TFEC: variants seen among roughly 807,000 people sequenced by gnomAD.
The protein encoded by TFEC is class E basic helix-loop-helix protein 34.
In TFEC, 31 loss-of-function variants were observed where a neutral mutation model predicts 41.6. The observed-to-expected ratio is 0.74, with a 90% CI of 0.56 to 1.01. TFEC has a LOEUF of 1.01. TFEC is among the 50% of genes least tolerant of loss of function. The pLI is 0.00. For missense variants in TFEC, 402 were observed against 404.1 expected (o/e 0.99, Z 0.04); for synonymous variants, 143 against 140.6 (o/e 1.02, Z -0.12).
chr7:116,114,324 G>A (rs2116133076), intron 1 of TFEC, among the ~76,000 whole-genome samples: 1 of 152,006 alleles, frequency 6.6e-6, no homozygotes, highest in East Asian at 1.9e-4. Flanking sequence ...ATAGATTTGG[G>A]GATTTCAGTT....
intron 2 of TFEC, among the ~76,000 whole-genome samples, chr7:115,982,458 G>A (rs1004843778): frequency 6.6e-6 from 1 of 152,146 alleles, no homozygotes; most frequent in Non-Finnish European, 1.5e-5. Context: ...CGACAACACA[G>A]GGTATATCCT....
intron 3 of TFEC, among the ~76,000 whole-genome samples, chr7:116,062,891 C>A (rs888171322): frequency 2.6e-5 from 4 of 152,022 alleles, no homozygotes; most frequent in Non-Finnish European, 4.4e-5. Flanking sequence ...TTGGCTAACT[C>A]ATAAAAAGTT....
At chr7:116,021,258 C>A (rs1168835914) in intron 1 of TFEC, among the ~76,000 whole-genome samples, 1 of 152,268 alleles carries the variant, frequency 6.6e-6, no homozygotes, top group East Asian at 1.9e-4. Context: ...AAAGCACTAC[C>A]ATTAAAGGCA....
At chr7:116,117,615 T>C (rs1297972098) in intron 1 of TFEC, 1 of 151,796 alleles carries the variant, frequency 6.6e-6, no homozygotes, top group Non-Finnish European at 1.5e-5. Context: ...TATTGACTGA[T>C]AAACTGCTTC....
At chr7:116,078,716 C>T (rs1477089387) in intron 3 of TFEC, among the ~76,000 whole-genome samples, 1 of 151,886 alleles carries the variant, frequency 6.6e-6, no homozygotes, top group Non-Finnish European at 1.5e-5. Flanking sequence ...ACAAATAGTC[C>T]AGGACCAGAC....
intron 2 of TFEC, 27 bp downstream of exon 2, chr7:115,984,235 A>G: frequency 6.3e-7 from 1 of 1,599,344 alleles, no homozygotes; most frequent in Non-Finnish European, 8.6e-7. Context: ...CTGATGATAT[A>G]TTTTTATAAC....
intron 3 of TFEC, among the ~76,000 whole-genome samples, chr7:116,066,482 G>A (rs1480964289): frequency 6.6e-6 from 1 of 151,704 alleles, no homozygotes; most frequent in Non-Finnish European, 1.5e-5. Flanking sequence ...ACTATCAGGG[G>A]TTATATATAT....
rs1166553620 is a variant in TFEC, at chr7:116,123,619, T to C, written c.-68-11581A>G. On this transcript the variant is annotated intron_variant, in intron 1 of 8. Transcript: ENST00000484212. Reference sequence around the variant, plus strand: ...CCACACTCCACTTTTGCAAACATAATGACTGCCCACTGGGTACTTTTCTTT... The same window carrying C: ...CCACACTCCACTTTTGCAAACATAACGACTGCCCACTGGGTACTTTTCTTT... 2.0e-5 allele frequency among the ~76,000 whole-genome samples: 3 copies of C among 152,232 alleles called. No individual in the cohort carries two copies. The East Asian group carries it at 5.8e-4, about 29-fold the overall frequency.
At chr7:115,960,804 A>T (rs920073941) in intron 3 of TFEC, among the ~76,000 whole-genome samples, 2 of 151,688 alleles carry the variant, frequency 1.3e-5, no homozygotes, top group African/African-American at 4.8e-5. Flanking sequence ...AAGGACACAT[A>T]AAGATTAAAA....
chr7:116,097,220 G>A (rs544062117), intron 3 of TFEC, among the ~76,000 whole-genome samples: 31 of 152,258 alleles, frequency 2.0e-4, no homozygotes, highest in African/African-American at 6.0e-4. Context: ...TATGTAGACC[G>A]TGACAGTAGA....
At chr7:116,140,860 A>G (rs1351519434) in intron 1 of TFEC, among the ~76,000 whole-genome samples, 6 of 152,344 alleles carry the variant, frequency 3.9e-5, no homozygotes, top group Admixed American at 2.0e-4. Context: ...ATGAAATTCT[A>G]TCTACTAGAG....
chr7:116,135,816 T>C (rs763823023), intron 1 of TFEC, among the ~76,000 whole-genome samples: 4 of 152,114 alleles, frequency 2.6e-5, no homozygotes, highest in African/African-American at 7.2e-5. Context: ...CTTATAGATA[T>C]AGTATGAGGA....
upstream of TFEC, among the ~76,000 whole-genome samples, chr7:116,032,466 T>C (rs1422700148): frequency 6.6e-6 from 1 of 152,040 alleles, no homozygotes; most frequent in East Asian, 1.9e-4. Flanking sequence ...ATAAAGAAAA[T>C]GTGGTACATA....
At chr7:116,105,273 T>G (rs1797691706) in intron 3 of TFEC, among the ~76,000 whole-genome samples, 1 of 152,272 alleles carries the variant, frequency 6.6e-6, no homozygotes, top group African/African-American at 2.4e-5. Context: ...ACATATGCAG[T>G]AGAGAGTTTG....
upstream of TFEC, among the ~76,000 whole-genome samples, chr7:116,034,155 A>G (rs1181174844): frequency 6.6e-6 from 1 of 152,038 alleles, no homozygotes; most frequent in Non-Finnish European, 1.5e-5. Flanking sequence ...ATTTCTTCTC[A>G]GTCTCCTTTG....
chr7:115,969,015 T>A (rs1393837951), intron 3 of TFEC, among the ~76,000 whole-genome samples: 1 of 151,878 alleles, frequency 6.6e-6, no homozygotes, highest in Non-Finnish European at 1.5e-5. Context: ...ATTATTATTG[T>A]TGTCTTTATT....
intron 3 of TFEC, among the ~76,000 whole-genome samples, chr7:116,047,797 C>T (rs181398834): frequency 8.4e-4 from 128 of 152,218 alleles, no homozygotes; most frequent in Non-Finnish European, 1.4e-3. Context: ...CCCTCTGAGA[C>T]GAAGCTTCCA....
chr7:116,129,900 G>A (rs1470252820), intron 1 of TFEC, among the ~76,000 whole-genome samples: 1 of 151,910 alleles, frequency 6.6e-6, no homozygotes, highest in Non-Finnish European at 1.5e-5. Flanking sequence ...TTCCCCTTCA[G>A]TGGTGGCTTC....
At chr7:116,131,557 A>G (rs879782180) in intron 1 of TFEC, among the ~76,000 whole-genome samples, 2 of 152,230 alleles carry the variant, frequency 1.3e-5, no homozygotes, top group Non-Finnish European at 2.9e-5. Flanking sequence ...ATTTTGAACT[A>G]ACTGCATACA....
Sources: allele counts gnomAD v4.1 joint callset (sites outside exome capture counted in the v4.1 genomes callset), GRCh38; gene constraint gnomAD v4.1.1; transcripts MANE v1.5; gene names NCBI Gene and HGNC (gene_info 2026-07-23, HGNC 2026-07-21).